Variants in EXOSC4 observed in about 807,000 individuals in gnomAD.
EXOSC4 encodes the protein exosome complex component RRP41.
In EXOSC4, 14 loss-of-function variants were observed where a neutral mutation model predicts 20.0. The ratio of observed to expected loss-of-function variants is 0.70; its 90% confidence interval spans 0.46 to 1.09. The LOEUF is 1.09. EXOSC4 is among the 50% of genes least tolerant of loss of function. The pLI is 0.00. For missense variants in EXOSC4, 337 were observed against 334.0 expected (o/e 1.01, Z -0.07); for synonymous variants, 148 against 146.4 (o/e 1.01, Z -0.08).
chr8:144,078,712 C>A lies in EXOSC4; in HGVS notation c.-17C>A. ...CTCAGAGAAGTAGGCAGAGAGCGGA[C>A]CTGGCGGCCGGGCAGCATGGCGGGG... On this transcript the variant is annotated 5_prime_UTR_variant, in exon 1 of 3. Transcript: ENST00000316052. This position sits in a 1 kb window ranked among gnomAD's most constrained non-coding sequence, Gnocchi z 4.7. The A allele has an allele frequency of 7.0e-7, 1 of 1,429,924 alleles. No homozygotes were observed. The allele number at this position is 1,429,924 out of a possible 1,614,324, so 88.6% of individuals were successfully genotyped here.
At chr8:144,077,137 TG>T (rs1835842884), upstream of EXOSC4, among the ~76,000 whole-genome samples, 1 of 150,272 alleles carries the variant, frequency 6.7e-6, no homozygotes, top group Admixed American at 6.6e-5. Context: ...CCCAGCTACT[TG>T]GGAGGCTGAG....
chr8:144,079,147 C>T (rs955559631), intron 1 of EXOSC4: 1 of 396,152 alleles, frequency 2.5e-6, no homozygotes, highest in Non-Finnish European at 4.5e-6. Flanking sequence ...GTGCTAGGCA[C>T]TCCCCCACTC....
chr8:144,079,863 A>T (rs1554763225), intron 1 of EXOSC4, 80 bp from the exon 2 acceptor site: 3 of 1,359,070 alleles, frequency 2.2e-6, no homozygotes, highest in South Asian at 2.3e-5. Flanking sequence ...TTGAAAGTGG[A>T]GGGAGAGGCA....
the EXOSC4 span, among the ~76,000 whole-genome samples, chr8:144,070,544 G>C: frequency 6.9e-6 from 1 of 145,486 alleles, no homozygotes; most frequent in African/African-American, 2.6e-5. Context: ...AAAAAAATTG[G>C]GGCTGGGCGT....
upstream of EXOSC4, among the ~76,000 whole-genome samples, chr8:144,073,939 T>C (rs1165613216): frequency 1.3e-5 from 2 of 152,042 alleles, no homozygotes; most frequent in Non-Finnish European, 2.9e-5. Flanking sequence ...TCCCAAACCC[T>C]TGTCAGCCCA....
In EXOSC4 at chr8:144,078,733, C is replaced by G. The variant is rs782335169; in HGVS notation, c.5C>G (p.Ala2Gly). The G allele has an allele frequency of 2.1e-6, 3 of 1,455,096 alleles. No homozygotes were observed. Among genetic ancestry groups the G allele is most frequent in the Non-Finnish European group, 2.7e-6 (3 of 1,100,810 alleles). The allele number at this position is 1,455,096 out of a possible 1,614,324, so 90.1% of individuals were successfully genotyped here. ...CGGACCTGGCGGCCGGGCAGCATGG[C>G]GGGGCTGGAGCTCTTGTCGGACCAG... The part of the protein sequence containing the change: M[A>G]GLELLSDQGY... Residue 2 changes from alanine (A) to glycine (G), a missense_variant, in exon 1 of 3, where the codon GCG (alanine) becomes GGG (glycine). By Grantham distance (60) the Ala-to-Gly change is moderately conservative. Coordinates refer to ENST00000316052, the MANE Select transcript of EXOSC4 (RefSeq NM_019037.3). The surrounding 1 kb of genome is among the most constrained non-coding windows in gnomAD (Gnocchi z 4.7).
chr8:144,080,334 G>A lies in EXOSC4; in HGVS notation c.471G>A (p.Val157=). The change falls in exon 3 of 3, where the codon GTG becomes GTA. Residue 157 remains valine (V), a synonymous_variant. Transcript: ENST00000316052. This position sits in a 1 kb window ranked among gnomAD's most constrained non-coding sequence, Gnocchi z 4.9. ...LDAGIPMRDF[V]CACSAGFVDG... ...CCGGGATACCCATGAGAGACTTTGTGTGTGCGTGCTCAGCTGGCTTCGTGG... is the reference window on the plus strand; with the variant it reads ...CCGGGATACCCATGAGAGACTTTGTATGTGCGTGCTCAGCTGGCTTCGTGG... 6.2e-7 allele frequency: 1 copy of A among 1,613,594 alleles called. No homozygotes were observed.
Position 144,078,994 on chromosome 8 carries a change from GGCGCGCCTC to G in EXOSC4, c.171+96_171+104del. 1 of 1,305,622 alleles carries G rather than the reference GGCGCGCCTC, an allele frequency of 7.7e-7. No individual in the cohort carries two copies. Among genetic ancestry groups the G allele is most frequent in the Non-Finnish European group, 9.9e-7 (1 of 1,014,930 alleles). The allele number at this position is 1,305,622 out of a possible 1,614,324, so 80.9% of individuals were successfully genotyped here. ...CTCGGGGACTTGAGGGGCAACGGCC[GGCGCGCCTC>G]AGTCTACACAGCCGATGCTCAGCAC... is the stretch of plus-strand genomic sequence containing the variant. On this transcript the variant is annotated intron_variant, in intron 1 of 2. Coordinates refer to ENST00000316052, the MANE Select transcript of EXOSC4 (RefSeq NM_019037.3). The surrounding 1 kb of genome is among the most constrained non-coding windows in gnomAD (Gnocchi z 4.7).
At chr8:144,079,535 G>A (rs1387937177) in intron 1 of EXOSC4, 9 of 362,756 alleles carry the variant, frequency 2.5e-5, no homozygotes, top group African/African-American at 4.2e-5. Context: ...AAGACTGCTG[G>A]TGGGGAAAGA....
upstream of EXOSC4, chr8:144,078,560 A>G: frequency 1.6e-6 from 1 of 638,614 alleles, no homozygotes; most frequent in Non-Finnish European, 2.3e-6. The surrounding 1 kb of genome is among the most constrained non-coding windows in gnomAD (Gnocchi z 4.7). Context: ...AACGCCGGAA[A>G]CCGCAGATCC....
At position 144,078,833 on chromosome 8, in the gene EXOSC4, T is replaced by C. The variant is rs1554763089; in HGVS notation, c.105T>C (p.Ala35=). ...CGCGGATGGGCGTGTTCGCGCAGGCTGACGGCTCGGCCTACATTGAGCAGG... is the reference window on the plus strand; with the variant it reads ...CGCGGATGGGCGTGTTCGCGCAGGCCGACGGCTCGGCCTACATTGAGCAGG... ...IQARMGVFAQ[A]DGSAYIEQGN... is the part of the protein sequence containing the mutation. The change falls in exon 1 of 3, where the codon GCT becomes GCC. Residue 35 remains alanine (A), a synonymous_variant. Coordinates refer to ENST00000316052, the MANE Select transcript of EXOSC4 (RefSeq NM_019037.3). The surrounding 1 kb of genome is among the most constrained non-coding windows in gnomAD (Gnocchi z 4.7). 6.3e-7 allele frequency: 1 copy of C among 1,581,424 alleles called. No homozygotes were observed. The highest frequency in any genetic ancestry group is 8.6e-7 in the Non-Finnish European group (1 of 1,166,494).
the EXOSC4 span, among the ~76,000 whole-genome samples, chr8:144,070,917 T>C: frequency 2.0e-5 from 3 of 151,794 alleles, no homozygotes; most frequent in Admixed American, 6.6e-5. Context: ...CTTTGACCAA[T>C]TGGTGGTGAG....
Position 144,078,789 on chromosome 8 carries a change from G to A in EXOSC4, c.61G>A (p.Glu21Lys). The change falls in exon 1 of 3, where the codon GAG becomes AAG. Residue 21 changes from glutamate to lysine, a missense_variant. Coordinates refer to ENST00000316052, the MANE Select transcript of EXOSC4 (RefSeq NM_019037.3). This position sits in a 1 kb window ranked among gnomAD's most constrained non-coding sequence, Gnocchi z 4.7. The part of the protein sequence containing the change: ...GYRVDGRRAG[E>K]LRKIQARMGV... ...CCGGGTGGACGGGCGGCGCGCCGGG[G>A]AGCTGCGCAAGATCCAGGCGCGGAT... 6.4e-7 allele frequency: 1 copy of A among 1,558,418 alleles called. No homozygotes were observed. Among genetic ancestry groups the A allele is most frequent in the East Asian group, 2.5e-5 (1 of 39,508 alleles).
In EXOSC4 at chr8:144,078,893, G is replaced by C. The variant is rs782177275; in HGVS notation, c.165G>C (p.Pro55=). The C allele has an allele frequency of 2.7e-6, 4 of 1,478,896 alleles. No individual in the cohort carries two copies. The highest frequency in any genetic ancestry group is 3.6e-6 in the Non-Finnish European group (4 of 1,111,172). The allele number at this position is 1,478,896 out of a possible 1,614,324, so 91.6% of individuals were successfully genotyped here. The change falls in exon 1 of 3, where the codon CCG becomes CCC. Residue 55 remains proline (P), a synonymous_variant. Coordinates refer to ENST00000316052, the MANE Select transcript of EXOSC4 (RefSeq NM_019037.3). This position sits in a 1 kb window ranked among gnomAD's most constrained non-coding sequence, Gnocchi z 4.7. ...NTKALAVVYG[P]HEIRGSRARA... ...AGGCACTGGCTGTGGTCTACGGCCC[G>C]CACGAGGCGAGTGGGCGCGCGGGAT...
chr8:144,077,071 A>G (rs1554762842), upstream of EXOSC4, among the ~76,000 whole-genome samples: 1 of 133,396 alleles, frequency 7.5e-6, no homozygotes, highest in Admixed American at 7.1e-5. Context: ...TCCATCTCCA[A>G]AAAAAAAAAA....
the EXOSC4 span, among the ~76,000 whole-genome samples, chr8:144,072,334 C>T: frequency 2.4e-4 from 36 of 152,186 alleles, no homozygotes; most frequent in African/African-American, 8.7e-4. Context: ...GCACATACCA[C>T]CACACCGGGC....
chr8:144,079,375 C>T (rs78981172), intron 1 of EXOSC4: 8,394 of 228,596 alleles, frequency 0.037, 788 homozygotes, highest in African/African-American at 0.18. Context: ...CATTACTGTG[C>T]TTCCAGCGCT....
At position 144,078,681 on chromosome 8, in the gene EXOSC4, C is replaced by A; in HGVS notation, c.-48C>A. On this transcript the variant is annotated 5_prime_UTR_variant, in exon 1 of 3. Coordinates refer to ENST00000316052, the MANE Select transcript of EXOSC4 (RefSeq NM_019037.3). This position sits in a 1 kb window ranked among gnomAD's most constrained non-coding sequence, Gnocchi z 4.7. The stretch of plus-strand genomic sequence containing the variant: ...GGAGCCGCCGGGAGCTGTAGTTCTC[C>A]CGCGGCTCAGAGAAGTAGGCAGAGA... 7.4e-7 allele frequency: 1 copy of A among 1,350,644 alleles called. No individual in the cohort carries two copies. 83.7% of individuals were successfully genotyped at this position (1,350,644 alleles called of 1,614,324 possible).
chr8:144,075,754 G>C (rs752469223), upstream of EXOSC4, among the ~76,000 whole-genome samples: 4 of 152,262 alleles, frequency 2.6e-5, no homozygotes, highest in Non-Finnish European at 4.4e-5. Flanking sequence ...TCAAAGAAAT[G>C]TAGGGGAAAC....
Sources: allele counts gnomAD v4.1 joint callset (sites outside exome capture counted in the v4.1 genomes callset), GRCh38; gene constraint gnomAD v4.1.1; non-coding constraint Gnocchi (gnomAD v3.1); transcripts MANE v1.5; gene names NCBI Gene and HGNC (gene_info 2026-07-23, HGNC 2026-07-21).